Variants in GNAL observed in about 807,000 individuals in gnomAD.
The protein encoded by GNAL is guanine nucleotide-binding protein G(olf) subunit alpha.
A neutral mutation model predicts 55.1 loss-of-function variants in GNAL; 18 were observed. That is an observed-to-expected ratio of 0.33 (90% CI 0.23 to 0.48). The LOEUF (loss-of-function observed/expected upper bound fraction) is 0.48, where lower values mean the gene tolerates loss of function less well. Among genes scored for constraint, GNAL ranks in the 20% least tolerant of loss-of-function variants. GNAL has a pLI of 0.99. For missense variants in GNAL, 412 were observed against 614.1 expected (o/e 0.67, Z 3.48); for synonymous variants, 253 against 237.0 (o/e 1.07, Z -0.62).
intron 7 of GNAL, among the ~76,000 whole-genome samples, chr18:11,866,927 T>C (rs899312422): frequency 6.6e-6 from 1 of 152,084 alleles, no homozygotes; most frequent in African/African-American, 2.4e-5. Context: ...GCTGTCTGCT[T>C]GATCTGTCAC....
At chr18:11,760,932 C>T (rs554948570) in intron 4 of GNAL, among the ~76,000 whole-genome samples, 105 of 152,304 alleles carry the variant, frequency 6.9e-4, no homozygotes, top group African/African-American at 2.4e-3. Flanking sequence ...CACCTACTTC[C>T]TGTGGCTGAT....
intron 4 of GNAL, among the ~76,000 whole-genome samples, 189 bp downstream of exon 4, chr18:11,754,134 G>T (rs2032956810): frequency 6.6e-6 from 1 of 152,110 alleles, no homozygotes; most frequent in Non-Finnish European, 1.5e-5. Flanking sequence ...ATTAACTACG[G>T]CCAGGGGCGG....
intron 1 of GNAL, among the ~76,000 whole-genome samples, chr18:11,719,161 A>G (rs1197611645): frequency 6.6e-6 from 1 of 152,326 alleles, no homozygotes; most frequent in Non-Finnish European, 1.5e-5. Flanking sequence ...TAAAAACATT[A>G]TAACTACATA....
rs1356625850 is a variant in GNAL, at chr18:11,769,133, A to T, written c.624+15188A>T. Among the ~76,000 whole-genome samples, 4 of 114,904 alleles carry T rather than the reference A, an allele frequency of 3.5e-5. 1 individual carries two copies. The highest frequency in any genetic ancestry group is 6.3e-5 in the Non-Finnish European group (4 of 63,108). The allele number at this position is 114,904 out of a possible 152,430, so 75.4% of individuals were successfully genotyped here. A position where few individuals can be genotyped will look rare whatever the true frequency, so the allele number is the denominator to read the frequency against. On this transcript the variant is annotated intron_variant, in intron 4 of 11. Transcript: ENST00000334049. Reference sequence around the variant, plus strand: ...AGATTATATAAATTATATGTAATATATATTATAATATAGATTATATAAATT... The same window carrying T: ...AGATTATATAAATTATATGTAATATTTATTATAATATAGATTATATAAATT...
At chr18:11,877,880 G>A (rs1254919346) in intron 11 of GNAL, among the ~76,000 whole-genome samples, 2 of 151,314 alleles carry the variant, frequency 1.3e-5, no homozygotes, top group Non-Finnish European at 2.9e-5. Context: ...CCCCAGAAGT[G>A]CATGGCCGTA....
chr18:11,803,707 A>AGT (rs1399170579), intron 4 of GNAL, among the ~76,000 whole-genome samples: 1 of 121,828 alleles, frequency 8.2e-6, no homozygotes, highest in African/African-American at 3.3e-5. Flanking sequence ...GTAGCGGTGA[A>AGT]ATACAGGTGC....
intron 5 of GNAL, 141 bp from the exon 6 acceptor site, chr18:11,862,254 G>T (rs1357496706): frequency 5.1e-6 from 3 of 592,948 alleles, no homozygotes; most frequent in Admixed American, 2.8e-5. Context: ...ACAAATTCAG[G>T]AAACAAAGTA....
intron 1 of GNAL, among the ~76,000 whole-genome samples, chr18:11,695,922 G>GCGCA (rs1801021361): frequency 1.5e-5 from 2 of 136,100 alleles, no homozygotes; most frequent in East Asian, 2.1e-4. Context: ...ATGCACGCAT[G>GCGCA]CACACACACA....
At position 11,868,934 on chromosome 18, in the gene GNAL, GAGGT is replaced by G. The variant is rs1307886128; in HGVS notation, c.1031+273_1031+276del. Among the ~76,000 whole-genome samples the G allele has an allele frequency of 6.6e-6, 1 of 151,904 alleles. No homozygotes were observed. Among genetic ancestry groups the G allele is most frequent in the African/African-American group, 2.4e-5 (1 of 41,318 alleles). On this transcript the variant is annotated intron_variant, in intron 9 of 11. Coordinates refer to ENST00000334049, the MANE Select transcript of GNAL (RefSeq NM_182978.4). The surrounding 1 kb of genome is among the most constrained non-coding windows in gnomAD (Gnocchi z 4.0). Reference sequence around the variant, plus strand: ...AGGTAGGGGGATCACTTGAGCCCAGGAGGTAAGGGTTGCAATGAGCTGAGATCAC... The same window carrying G: ...AGGTAGGGGGATCACTTGAGCCCAGGAAGGGTTGCAATGAGCTGAGATCAC...
At chr18:11,738,368 T>G (rs1449160221) in intron 1 of GNAL, among the ~76,000 whole-genome samples, 1 of 151,944 alleles carries the variant, frequency 6.6e-6, no homozygotes, top group Non-Finnish European at 1.5e-5. Context: ...AGGTCTGCTG[T>G]GGGCAGCAAT....
At chr18:11,822,012 C>T (rs557487016) in intron 4 of GNAL, among the ~76,000 whole-genome samples, 1 of 152,256 alleles carries the variant, frequency 6.6e-6, no homozygotes, top group Non-Finnish European at 1.5e-5. Flanking sequence ...AAAGCAAGGG[C>T]ATCTGATAGG....
Position 11,752,343 on chromosome 18 carries a change from G to A in GNAL, c.377-510G>A, listed in dbSNP as rs2143094772. On this transcript the variant is annotated intron_variant, in intron 1 of 11. Coordinates refer to ENST00000334049, the MANE Select transcript of GNAL (RefSeq NM_182978.4). The surrounding 1 kb of genome is among the most constrained non-coding windows in gnomAD (Gnocchi z 4.5). ...ATCTCTTTCAGCAGCAGGAAAGAGA[G>A]GAGCCGTCGCAGGAGCCGCACACGT... is the stretch of plus-strand genomic sequence containing the variant. 6.7e-7 allele frequency: 1 copy of A among 1,495,908 alleles called. No individual in the cohort carries two copies. Among genetic ancestry groups the A allele is most frequent in the Non-Finnish European group, 8.9e-7 (1 of 1,127,002 alleles). 92.7% of individuals were successfully genotyped at this position (1,495,908 alleles called of 1,614,324 possible).
chr18:11,885,316 G>A lies in GNAL; in HGVS notation c.*4181G>A, dbSNP rs2037032646. 1 of 282,442 alleles carries A rather than the reference G, an allele frequency of 3.5e-6. No homozygotes were observed. Among genetic ancestry groups the A allele is most frequent in the Non-Finnish European group, 6.8e-6 (1 of 146,164 alleles). The allele number at this position is 282,442 out of a possible 1,614,324, so 17.5% of individuals were successfully genotyped here. On this transcript the variant is annotated 3_prime_UTR_variant, in exon 12 of 12. Coordinates refer to ENST00000334049, the MANE Select transcript of GNAL (RefSeq NM_182978.4). The stretch of plus-strand genomic sequence containing the variant: ...GCAGCGTTCTCTGCCAGGTCAAATG[G>A]GCATGTTTAGAAAATAAGAGAAGAT...
chr18:11,861,911 CCA>C (rs2036150857), intron 5 of GNAL, among the ~76,000 whole-genome samples: 1 of 151,832 alleles, frequency 6.6e-6, no homozygotes, highest in Non-Finnish European at 1.5e-5. Flanking sequence ...CTCTTGCACA[CCA>C]CATACTCGCT....
intron 1 of GNAL, among the ~76,000 whole-genome samples, chr18:11,743,225 T>G (rs2032616803): frequency 6.6e-6 from 1 of 151,064 alleles, no homozygotes; most frequent in Non-Finnish European, 1.5e-5. Flanking sequence ...GTGTTGGCGC[T>G]AGGATTTACA....
intron 1 of GNAL, among the ~76,000 whole-genome samples, chr18:11,703,124 A>AAAAC (rs1385628129): frequency 6.6e-6 from 1 of 152,224 alleles, no homozygotes; most frequent in Non-Finnish European, 1.5e-5. Context: ...TCTCAAAAAC[A>AAAAC]AAACAAACAA....
chr18:11,851,609 A>G, intron 5 of GNAL: 1 of 1,613,856 alleles, frequency 6.2e-7, no homozygotes, highest in Non-Finnish European at 8.5e-7. Context: ...AAGGCCGAAA[A>G]GGCCAAAATT....
chr18:11,828,906 T>C (rs1287018254), intron 5 of GNAL, among the ~76,000 whole-genome samples: 1 of 152,074 alleles, frequency 6.6e-6, no homozygotes, highest in Admixed American at 6.5e-5. Flanking sequence ...TAAGTAGATA[T>C]CCAAAGTCCT....
chr18:11,859,621 G>T (rs369509371), intron 5 of GNAL, among the ~76,000 whole-genome samples: 1 of 152,118 alleles, frequency 6.6e-6, no homozygotes, highest in Non-Finnish European at 1.5e-5. Context: ...CTTCTGGTGC[G>T]CAGTAGCACC....
Sources: allele counts gnomAD v4.1 joint callset (sites outside exome capture counted in the v4.1 genomes callset), GRCh38; gene constraint gnomAD v4.1.1; non-coding constraint Gnocchi (gnomAD v3.1); transcripts MANE v1.5; gene names NCBI Gene and HGNC (gene_info 2026-07-23, HGNC 2026-07-21).